Variants in ZFP64 observed in about 807,000 individuals in gnomAD.
ZFP64 encodes ZFP64 zinc finger protein.
In ZFP64, 14 loss-of-function variants were observed where a neutral mutation model predicts 51.6. The observed-to-expected ratio is 0.27, with a 90% CI of 0.18 to 0.42. The LOEUF is 0.42. ZFP64 is among the 10% of genes least tolerant of loss of function. The pLI, the probability that ZFP64 is intolerant of heterozygous loss-of-function variation, is 1.00. For missense variants in ZFP64, 754 were observed against 906.8 expected (o/e 0.83, Z 2.16); for synonymous variants, 375 against 361.4 (o/e 1.04, Z -0.43).
At chr20:52,165,373 T>C (rs1329053267) in intron 3 of ZFP64, 1 of 454,958 alleles carries the variant, frequency 2.2e-6, no homozygotes, top group Non-Finnish European at 4.4e-6. Flanking sequence ...TTCAAATGGT[T>C]TGGGGAAAAC....
At chr20:52,188,504 T>G (rs933407365) in intron 1 of ZFP64, among the ~76,000 whole-genome samples, 3 of 150,756 alleles carry the variant, frequency 2.0e-5, no homozygotes, top group African/African-American at 7.3e-5. Context: ...TTAGTAGAGA[T>G]GAGGTCTCAC....
intron 5 of ZFP64, among the ~76,000 whole-genome samples, chr20:52,159,742 T>C (rs1820290902): frequency 6.6e-6 from 1 of 152,126 alleles, no homozygotes; most frequent in South Asian, 2.1e-4. Flanking sequence ...ATCCCAGCAC[T>C]TTGGGAGGCT....
chr20:52,166,468 T>C (rs1042491678), intron 2 of ZFP64, among the ~76,000 whole-genome samples: 7 of 152,048 alleles, frequency 4.6e-5, no homozygotes, highest in Non-Finnish European at 1.0e-4. Flanking sequence ...CTTTTTTTTT[T>C]TTCTGAGATA....
intron 5 of ZFP64, among the ~76,000 whole-genome samples, chr20:52,101,498 T>C (rs949858400): frequency 6.6e-6 from 1 of 152,200 alleles, no homozygotes; most frequent in African/African-American, 2.4e-5. Flanking sequence ...GCCTCCCGAA[T>C]AGCTGGGACC....
At chr20:52,123,085 G>C (rs904258707) in intron 5 of ZFP64, among the ~76,000 whole-genome samples, 1 of 152,044 alleles carries the variant, frequency 6.6e-6, no homozygotes, top group Non-Finnish European at 1.5e-5. Context: ...CCACCTCCTG[G>C]GTTCAGGTGA....
chr20:52,145,982 C>T (rs901130062), intron 5 of ZFP64, among the ~76,000 whole-genome samples: 1 of 152,120 alleles, frequency 6.6e-6, no homozygotes, highest in South Asian at 2.1e-4. Context: ...CAGCTTAAAA[C>T]ACAAGCATTG....
intron 5 of ZFP64, among the ~76,000 whole-genome samples, chr20:52,127,242 G>A (rs375014272): frequency 5.3e-5 from 8 of 151,606 alleles, no homozygotes; most frequent in Non-Finnish European, 8.8e-5. Flanking sequence ...GAGCCACCAC[G>A]CCTGGCCCAG....
At chr20:52,175,281 C>A (rs944811860) in intron 2 of ZFP64, among the ~76,000 whole-genome samples, 51 of 152,144 alleles carry the variant, frequency 3.4e-4, no homozygotes, top group Admixed American at 1.3e-4. Context: ...CGCCACCACG[C>A]CCAGCTAATT....
chr20:52,104,568 G>A (rs544893670), intron 5 of ZFP64: 64 of 377,816 alleles, frequency 1.7e-4, no homozygotes, highest in Admixed American at 4.6e-4. Flanking sequence ...CGGGCCTCCG[G>A]TGACCTCTCG....
At chr20:52,087,530 ATTAG>A (rs2078877343) in intron 8 of ZFP64, among the ~76,000 whole-genome samples, 1 of 152,254 alleles carries the variant, frequency 6.6e-6, no homozygotes, top group South Asian at 2.1e-4. Flanking sequence ...TACTTCCAGG[ATTAG>A]TTATTGACTT....
At chr20:52,169,319 T>G (rs1982524703) in intron 2 of ZFP64, among the ~76,000 whole-genome samples, 1 of 152,222 alleles carries the variant, frequency 6.6e-6, no homozygotes, top group African/African-American at 2.4e-5. Context: ...CATCCCTGTT[T>G]GCCTTGTAGT....
chr20:52,105,844 G>A (rs111714335), intron 5 of ZFP64, among the ~76,000 whole-genome samples: 1,740 of 152,062 alleles, frequency 0.011, 27 homozygotes, highest in African/African-American at 0.039. Flanking sequence ...GCACTGGGAT[G>A]TTTTTTTAAA....
intron 7 of ZFP64, chr20:52,097,335 T>A: frequency 3.8e-6 from 6 of 1,597,416 alleles, no homozygotes; most frequent in Non-Finnish European, 5.1e-6. Context: ...TCACGTCCCA[T>A]CTTTCTTACT....
In ZFP64 at chr20:52,187,047, A is replaced by T. The variant is rs777831209; in HGVS notation, c.71T>A (p.Val24Glu). 6.2e-7 allele frequency: 1 copy of T among 1,610,468 alleles called. No individual in the cohort carries two copies. The highest frequency in any genetic ancestry group is 8.5e-7 in the Non-Finnish European group (1 of 1,176,938). The change falls in exon 2 of 6, where the codon GTG becomes GAG. Residue 24 changes from valine (V) to glutamate (E), a missense_variant. This residue lies in a region of ZFP64 where 95 missense variants were observed against 97.7 expected (regional missense o/e 0.97). Coordinates refer to ENST00000216923, the MANE Select transcript of ZFP64 (RefSeq NM_018197.3). ...VQIPGGTTVLVELTPDIHICG... is the reference protein window; with the variant it reads ...VQIPGGTTVLEELTPDIHICG... ...GATATGGATGTCGGGAGTCAGCTCC[A>T]CCAGCACCGTTGTGCCACCTGGAAC...
At chr20:52,175,875 C>CCCCCCCAAAA in intron 2 of ZFP64, 2 of 965,664 alleles carry the variant, frequency 2.1e-6, no homozygotes, top group Non-Finnish European at 2.5e-6. Context: ...CCCCCGCCCC[C>CCCCCCCAAAA]AAAATAATTC....
At position 52,088,292 on chromosome 20, in the gene ZFP64, A is replaced by G. The variant is rs1033922379; in HGVS notation, c.1228+100T>C. On this transcript the variant is annotated intron_variant, in intron 8 of 8. Coordinates refer to the ZFP64 transcript ENST00000361387. Reference sequence around the variant, plus strand: ...AGAAGTTCCAAATTCTTGTACTTCTACCACACCAAGTCATTTAAGTTGCTT... The same window carrying G: ...AGAAGTTCCAAATTCTTGTACTTCTGCCACACCAAGTCATTTAAGTTGCTT... 11 of 1,525,616 alleles carry G rather than the reference A, an allele frequency of 7.2e-6. No individual in the cohort carries two copies. The African/African-American group carries it at 8.4e-5, about 12-fold the overall frequency. The allele number at this position is 1,525,616 out of a possible 1,614,324, so 94.5% of individuals were successfully genotyped here. A position where few individuals can be genotyped will look rare whatever the true frequency, so the allele number is the denominator to read the frequency against.
intron 5 of ZFP64, chr20:52,104,954 G>A (rs1031417168): frequency 5.1e-5 from 37 of 720,250 alleles, no homozygotes; most frequent in Non-Finnish European, 7.0e-5. Flanking sequence ...GACTCCAGGA[G>A]AGTGTAATTT....
At chr20:52,188,401 G>T (rs1403151207) in intron 1 of ZFP64, among the ~76,000 whole-genome samples, 1 of 133,158 alleles carries the variant, frequency 7.5e-6, no homozygotes, top group African/African-American at 2.8e-5. Context: ...TGCAAGCTCT[G>T]CCTCCCGGGT....
intron 2 of ZFP64, among the ~76,000 whole-genome samples, chr20:52,175,603 G>A (rs1052547064): frequency 6.6e-6 from 1 of 152,214 alleles, no homozygotes; most frequent in South Asian, 2.1e-4. Context: ...CCAGCACTGT[G>A]GGAGCCCGAG....
Sources: gnomAD v4.1 joint callset for allele counts (sites outside exome capture counted in the v4.1 genomes callset) on GRCh38, gnomAD v4.1.1 for gene constraint, gnomAD v4.1.1 regional missense constraint, MANE v1.5 for transcripts, NCBI Gene and HGNC (gene_info 2026-07-23, HGNC 2026-07-21) for gene names.